LRRTM4: variants seen among roughly 807,000 people sequenced by gnomAD.
LRRTM4 encodes the protein leucine rich repeat transmembrane neuronal 4.
Under a neutral mutation model 47.6 loss-of-function variants are expected in LRRTM4, and 25 were observed. That is an observed-to-expected ratio of 0.53 (90% CI 0.38 to 0.73). The LOEUF is 0.73. Ranked by LOEUF, LRRTM4 falls within the 30% of genes least tolerant of loss-of-function variation. The pLI is 0.00. For synonymous variants in LRRTM4, 311 were observed against 269.5 expected, an observed-to-expected ratio of 1.15 and a Z score of -1.51; for missense variants, 638 against 713.4, an observed-to-expected ratio of 0.89 and a Z score of 1.20.
At chr2:77,224,226 C>G (rs1289690274) in intron 3 of LRRTM4, among the ~76,000 whole-genome samples, 1 of 151,862 alleles carries the variant, frequency 6.6e-6, no homozygotes, top group East Asian at 1.9e-4. Context: ...GGATTAAAGA[C>G]TTACATGTTA....
At chr2:77,382,469 A>G (rs558785250) in intron 3 of LRRTM4, among the ~76,000 whole-genome samples, 1 of 152,216 alleles carries the variant, frequency 6.6e-6, no homozygotes, top group Non-Finnish European at 1.5e-5. Flanking sequence ...CCTTACAGAT[A>G]TCCCCCAAAA....
chr2:77,192,031 T>A (rs757886237), intron 3 of LRRTM4, among the ~76,000 whole-genome samples: 119 of 152,040 alleles, frequency 7.8e-4, no homozygotes, highest in Non-Finnish European at 7.4e-4. Flanking sequence ...CCACAATAGA[T>A]AAACTTTCCA....
intron 3 of LRRTM4, among the ~76,000 whole-genome samples, chr2:76,986,818 T>A (rs1345775454): frequency 6.6e-6 from 1 of 151,958 alleles, no homozygotes. Context: ...GCCAATACAT[T>A]TCTTCTTTTG....
intron 3 of LRRTM4, among the ~76,000 whole-genome samples, chr2:77,366,299 T>C (rs1672456485): frequency 6.6e-6 from 1 of 151,886 alleles, no homozygotes; most frequent in Non-Finnish European, 1.5e-5. Flanking sequence ...ACCACTCTTT[T>C]TACCTTGACT....
In LRRTM4 at chr2:77,006,460, T is replaced by C. The variant is rs193139729; in HGVS notation, c.1552-257544A>G. On this transcript the variant is annotated intron_variant, in intron 3 of 3. Coordinates refer to ENST00000409884, the MANE Select transcript of LRRTM4 (RefSeq NM_001134745.3). ...AGTAAAGCTTCCAGAAAATTTTATTTTGGTAGATGAGGATTAGAGGAACAA... is the reference window on the plus strand; with the variant it reads ...AGTAAAGCTTCCAGAAAATTTTATTCTGGTAGATGAGGATTAGAGGAACAA... Among the ~76,000 whole-genome samples the C allele has an allele frequency of 3.3e-4, 50 of 152,268 alleles. No homozygotes were observed. The East Asian group carries it at 8.7e-3, about 26-fold the overall frequency.
At chr2:77,462,750 C>T (rs187082591) in intron 3 of LRRTM4, among the ~76,000 whole-genome samples, 141 of 152,180 alleles carry the variant, frequency 9.3e-4, no homozygotes, top group Non-Finnish European at 9.9e-4. Flanking sequence ...TGCATCCACC[C>T]TAATTAGCAA....
chr2:76,781,087 A>C (rs1674358746), intron 3 of LRRTM4, among the ~76,000 whole-genome samples: 1 of 146,466 alleles, frequency 6.8e-6, no homozygotes, highest in African/African-American at 2.5e-5. Flanking sequence ...TCAGGGACCC[A>C]CTTGAGGAGG....
intron 3 of LRRTM4, among the ~76,000 whole-genome samples, chr2:77,323,946 G>GA (rs1670653492): frequency 6.6e-6 from 1 of 152,008 alleles, no homozygotes; most frequent in Non-Finnish European, 1.5e-5. Context: ...CTGTATAATA[G>GA]AAAATTACCT....
intron 3 of LRRTM4, among the ~76,000 whole-genome samples, chr2:77,109,020 A>C (rs751121557): frequency 4.6e-5 from 7 of 152,218 alleles, no homozygotes; most frequent in Non-Finnish European, 7.3e-5. Flanking sequence ...CACTAAAATA[A>C]ATAAAAGAGA....
rs990583749 is a variant in LRRTM4, at chr2:77,313,206, G to A, written c.1551+205112C>T. ...TTCCTGAGACCTGTTGTGGTGATGTGCCTCCCGATGTTTTCCTGGGACCTG... is the reference window on the plus strand; with the variant it reads ...TTCCTGAGACCTGTTGTGGTGATGTACCTCCCGATGTTTTCCTGGGACCTG... On this transcript the variant is annotated intron_variant, in intron 3 of 3. Coordinates refer to ENST00000409884, the MANE Select transcript of LRRTM4 (RefSeq NM_001134745.3). 2.7e-5 allele frequency among the ~76,000 whole-genome samples: 4 copies of A among 148,960 alleles called. No homozygotes were observed. In the East Asian group the frequency reaches 8.2e-4, roughly 31 times the overall value.
intron 3 of LRRTM4, among the ~76,000 whole-genome samples, chr2:77,174,682 C>T (rs906023750): frequency 3.0e-4 from 46 of 152,126 alleles, no homozygotes; most frequent in Admixed American, 1.4e-3. Context: ...TTTTAGGGTA[C>T]ATGTGCACAA....
intron 3 of LRRTM4, among the ~76,000 whole-genome samples, chr2:77,219,500 T>C (rs535813917): frequency 6.6e-6 from 1 of 152,324 alleles, no homozygotes; most frequent in Non-Finnish European, 1.5e-5. Context: ...GTGGGGCATA[T>C]GGTAAACAAA....
chr2:77,052,923 A>T, intron 3 of LRRTM4, among the ~76,000 whole-genome samples: 2 of 152,234 alleles, frequency 1.3e-5, no homozygotes, highest in Admixed American at 1.3e-4. Flanking sequence ...TAATATAATA[A>T]GGTGTTAGGC....
At chr2:76,929,821 T>C (rs552283235) in intron 3 of LRRTM4, among the ~76,000 whole-genome samples, 22 of 152,170 alleles carry the variant, frequency 1.4e-4, no homozygotes, top group Non-Finnish European at 3.1e-4. Context: ...AGTTACCTCA[T>C]CTATCCTATC....
At chr2:77,053,963 T>A (rs1488603895) in intron 3 of LRRTM4, among the ~76,000 whole-genome samples, 1 of 152,142 alleles carries the variant, frequency 6.6e-6, no homozygotes, top group African/African-American at 2.4e-5. Context: ...GTCAGAAATA[T>A]ACTTAGTGAC....
At chr2:76,930,714 G>T (rs1480316834) in intron 3 of LRRTM4, among the ~76,000 whole-genome samples, 1 of 152,092 alleles carries the variant, frequency 6.6e-6, no homozygotes, top group African/African-American at 2.4e-5. Flanking sequence ...TAGAAGCCTG[G>T]ATTAGTTTCC....
At chr2:77,467,339 G>A (rs1028338738) in intron 3 of LRRTM4, among the ~76,000 whole-genome samples, 2 of 152,122 alleles carry the variant, frequency 1.3e-5, no homozygotes, top group African/African-American at 4.8e-5. Flanking sequence ...TTCCACACAT[G>A]ACATCTCTGT....
intron 3 of LRRTM4, among the ~76,000 whole-genome samples, chr2:77,156,935 T>C (rs943327705): frequency 6.6e-6 from 1 of 152,060 alleles, no homozygotes; most frequent in Admixed American, 6.6e-5. Flanking sequence ...TTTTGCTTTT[T>C]AACATTTTTT....
intron 3 of LRRTM4, among the ~76,000 whole-genome samples, chr2:77,411,877 A>G (rs1191917306): frequency 6.6e-6 from 1 of 152,140 alleles, no homozygotes; most frequent in African/African-American, 2.4e-5. Context: ...ACAAGAATAC[A>G]TAAAATCTCA....
Sources: allele counts gnomAD v4.1 joint callset (sites outside exome capture counted in the v4.1 genomes callset), GRCh38; gene constraint gnomAD v4.1.1; transcripts MANE v1.5; gene names NCBI Gene and HGNC (gene_info 2026-07-23, HGNC 2026-07-21).